Variants in VPS53 observed in about 807,000 individuals in gnomAD.
VPS53 encodes VPS53 subunit of GARP complex, also known as vacuolar protein sorting-associated protein 53 homolog.
VPS53 carries 70 observed loss-of-function variants against 107.0 expected under a neutral mutation model. That is an observed-to-expected ratio of 0.65 (90% CI 0.54 to 0.80). The LOEUF (loss-of-function observed/expected upper bound fraction) is 0.80, where lower values mean the gene tolerates loss of function less well. VPS53 is among the 30% of genes least tolerant of loss of function. The pLI is 0.00. For missense variants in VPS53, 917 were observed against 1,049.4 expected, an observed-to-expected ratio of 0.87 and a Z score of 1.74; for synonymous variants, 409 against 393.3, an observed-to-expected ratio of 1.04 and a Z score of -0.47.
At chr17:541,946 T>C (rs80013571) in intron 17 of VPS53, among the ~76,000 whole-genome samples, 139 of 87,070 alleles carry the variant, frequency 1.6e-3, no homozygotes, top group South Asian at 3.3e-3. Flanking sequence ...AAGCACCTAC[T>C]ACGCACCAGG....
At chr17:531,125 C>T (rs144972517) in intron 19 of VPS53, among the ~76,000 whole-genome samples, 11 of 152,206 alleles carry the variant, frequency 7.2e-5, no homozygotes, top group East Asian at 1.9e-4. Flanking sequence ...TGAGTGAACA[C>T]GCCTGCAGCT....
chr17:612,042 AG>A, intron 11 of VPS53, among the ~76,000 whole-genome samples: 1 of 151,768 alleles, frequency 6.6e-6, no homozygotes, highest in East Asian at 1.9e-4. Context: ...AAATATTCAC[AG>A]TGAGTTCACA....
intron 10 of VPS53, 51 bp downstream of exon 10, chr17:627,123 C>T (rs768982940): frequency 1.1e-5 from 18 of 1,577,548 alleles, no homozygotes; most frequent in Middle Eastern, 1.7e-4. Flanking sequence ...ACTGGGGAAC[C>T]GATGGTGAAA....
intron 2 of VPS53, among the ~76,000 whole-genome samples, chr17:707,712 T>C (rs1973467378): frequency 6.6e-6 from 1 of 151,608 alleles, no homozygotes; most frequent in African/African-American, 2.4e-5. Flanking sequence ...CTTAGCTGTG[T>C]GTGGTGGCAT....
intron 13 of VPS53, among the ~76,000 whole-genome samples, chr17:572,056 A>C (rs1326825158): frequency 6.8e-6 from 1 of 148,004 alleles, no homozygotes; most frequent in Non-Finnish European, 1.5e-5. Flanking sequence ...CCGGAAAGTG[A>C]GGAGCGTCTC....
intron 2 of VPS53, 105 bp downstream of exon 2, chr17:710,428 C>T (rs913405759): frequency 2.1e-5 from 18 of 840,396 alleles, no homozygotes; most frequent in Non-Finnish European, 3.4e-5. Context: ...TTAACTCTCC[C>T]TTGTGTATCA....
At chr17:699,491 T>A in intron 2 of VPS53, 111 bp from the exon 3 acceptor site, 2 of 826,370 alleles carry the variant, frequency 2.4e-6, no homozygotes, top group Non-Finnish European at 1.7e-6. Flanking sequence ...AAAAATTTAA[T>A]CACATGATAT....
At chr17:599,615 G>A (rs1221476513) in intron 12 of VPS53, among the ~76,000 whole-genome samples, 2 of 149,786 alleles carry the variant, frequency 1.3e-5, no homozygotes, top group African/African-American at 2.4e-5. Context: ...CAAACACTGC[G>A]GAAGGCCTCA....
chr17:530,977 G>A (rs911263760), intron 19 of VPS53, among the ~76,000 whole-genome samples: 1 of 152,250 alleles, frequency 6.6e-6, no homozygotes, highest in Non-Finnish European at 1.5e-5. Flanking sequence ...AGACACAGCT[G>A]AGGTTGGGCT....
At chr17:624,888 T>C (rs147745035) in intron 10 of VPS53, among the ~76,000 whole-genome samples, 27 of 152,226 alleles carry the variant, frequency 1.8e-4, no homozygotes, top group African/African-American at 5.8e-4. Context: ...GGAGTCAATG[T>C]GTTTCTTTTT....
chr17:688,810 T>C (rs980360383), intron 4 of VPS53, among the ~76,000 whole-genome samples: 6 of 152,306 alleles, frequency 3.9e-5, no homozygotes, highest in African/African-American at 1.4e-4. Context: ...AAAAGGCTGA[T>C]CTAACAACCC....
At chr17:556,363 T>C (rs1303564436) in intron 15 of VPS53, among the ~76,000 whole-genome samples, 1 of 152,224 alleles carries the variant, frequency 6.6e-6, no homozygotes, top group Non-Finnish European at 1.5e-5. Flanking sequence ...GGTTCATTAA[T>C]TGTAACAAAT....
chr17:710,934 G>A (rs1175216262), intron 1 of VPS53, among the ~76,000 whole-genome samples: 1 of 152,162 alleles, frequency 6.6e-6, no homozygotes, highest in Non-Finnish European at 1.5e-5. Context: ...GAAAGAGCAA[G>A]ACTCTGTCTC....
intron 7 of VPS53, among the ~76,000 whole-genome samples, chr17:638,735 A>G (rs1344825049): frequency 6.6e-6 from 1 of 152,196 alleles, no homozygotes; most frequent in African/African-American, 2.4e-5. Flanking sequence ...AGAATGTTGA[A>G]TATTGGCCCC....
At chr17:590,274 T>G (rs1404819951) in intron 12 of VPS53, among the ~76,000 whole-genome samples, 1 of 152,224 alleles carries the variant, frequency 6.6e-6, no homozygotes, top group Admixed American at 6.5e-5. Flanking sequence ...AAGGAGATTT[T>G]GGGCTGAGAT....
chr17:599,353 G>A (rs140628747), intron 12 of VPS53, among the ~76,000 whole-genome samples: 20,973 of 152,080 alleles, frequency 0.14, 1,712 homozygotes, highest in South Asian at 0.23. Context: ...GATGGTTGCC[G>A]TGTCTGTGTA....
chr17:583,992 A>G (rs1037308268), intron 13 of VPS53, among the ~76,000 whole-genome samples: 1 of 152,154 alleles, frequency 6.6e-6, no homozygotes, highest in Non-Finnish European at 1.5e-5. Context: ...AACCTCCCTC[A>G]GGACCTAATA....
At chr17:571,878 G>A (rs1914137093) in intron 13 of VPS53, among the ~76,000 whole-genome samples, 2 of 152,194 alleles carry the variant, frequency 1.3e-5, no homozygotes, top group African/African-American at 4.8e-5. Flanking sequence ...GCAGGGGCGT[G>A]ATCTCGGCTC....
chr17:605,506 T>C (rs1344148292), intron 11 of VPS53, among the ~76,000 whole-genome samples: 3 of 129,528 alleles, frequency 2.3e-5, no homozygotes, highest in Admixed American at 1.5e-4. Flanking sequence ...TCCCATCATA[T>C]TGGTGAATCA....
Sources: gnomAD v4.1 joint callset for allele counts (sites outside exome capture counted in the v4.1 genomes callset) on GRCh38, gnomAD v4.1.1 for gene constraint, MANE v1.5 for transcripts, NCBI Gene and HGNC (gene_info 2026-07-23, HGNC 2026-07-21) for gene names.